The following VAT1L variants were observed in gnomAD, a reference collection of about 807,000 sequenced individuals.
VAT1L encodes vesicle amine transport 1 like.
VAT1L carries 34 observed loss-of-function variants against 44.1 expected under a neutral mutation model. The observed-to-expected ratio is 0.77, with a 90% CI of 0.59 to 1.03. The LOEUF (loss-of-function observed/expected upper bound fraction) is 1.03, where lower values mean the gene tolerates loss of function less well. Ranked by LOEUF, VAT1L falls within the 50% of genes least tolerant of loss-of-function variation. The pLI is 0.00. For missense variants in VAT1L, 615 were observed against 538.8 expected (o/e 1.14, Z -1.40); for synonymous variants, 253 against 202.2 (o/e 1.25, Z -2.13).
At chr16:77,862,333 C>A (rs1424895479) in intron 3 of VAT1L, among the ~76,000 whole-genome samples, 1 of 152,082 alleles carries the variant, frequency 6.6e-6, no homozygotes, top group Non-Finnish European at 1.5e-5. Flanking sequence ...TAAAAAGGCC[C>A]CCCGGGCACA....
intron 1 of VAT1L, among the ~76,000 whole-genome samples, chr16:77,809,190 A>G (rs945643788): frequency 1.3e-5 from 2 of 152,342 alleles, no homozygotes; most frequent in East Asian, 3.9e-4. Context: ...TGTTCTTTGT[A>G]AAATGGGGGT....
chr16:77,929,607 G>C (rs1391528839), intron 7 of VAT1L, among the ~76,000 whole-genome samples: 3 of 152,148 alleles, frequency 2.0e-5, no homozygotes, highest in Non-Finnish European at 4.4e-5. Flanking sequence ...AGGACGGAGA[G>C]GGTGACAGAT....
intron 7 of VAT1L, among the ~76,000 whole-genome samples, chr16:77,970,678 T>A (rs557165435): frequency 2.6e-5 from 4 of 152,230 alleles, no homozygotes; most frequent in Non-Finnish European, 5.9e-5. Flanking sequence ...ATTGAGTATC[T>A]TTTGTGTAAT....
chr16:77,941,914 G>C (rs966909887), intron 7 of VAT1L, among the ~76,000 whole-genome samples: 2 of 152,122 alleles, frequency 1.3e-5, no homozygotes, highest in African/African-American at 4.8e-5. Flanking sequence ...CACAATGGTT[G>C]AGCTAATTTA....
intron 7 of VAT1L, among the ~76,000 whole-genome samples, chr16:77,941,337 A>C (rs181595925): frequency 2.0e-5 from 3 of 152,160 alleles, no homozygotes; most frequent in Non-Finnish European, 4.4e-5. Context: ...CTACTCACCG[A>C]AACAGATTTT....
intron 7 of VAT1L, among the ~76,000 whole-genome samples, chr16:77,942,439 G>C (rs2017898455): frequency 6.9e-6 from 1 of 145,792 alleles, no homozygotes; most frequent in Non-Finnish European, 1.5e-5. Context: ...GTGATGTTGA[G>C]CTTTTTTTTT....
intron 7 of VAT1L, among the ~76,000 whole-genome samples, chr16:77,891,063 T>C (rs977728800): frequency 7.9e-5 from 12 of 151,300 alleles, no homozygotes; most frequent in Non-Finnish European, 8.8e-5. Context: ...AATTAAAAAT[T>C]CAGCTTCTCG....
chr16:77,820,117 T>C (rs188653320), intron 2 of VAT1L, among the ~76,000 whole-genome samples: 37 of 152,298 alleles, frequency 2.4e-4, no homozygotes, highest in Admixed American at 2.0e-3. Context: ...TTTTCTCAAG[T>C]GTAATGAATT....
chr16:77,925,633 A>G (rs963403300), intron 7 of VAT1L, among the ~76,000 whole-genome samples: 1 of 152,196 alleles, frequency 6.6e-6, no homozygotes, highest in Non-Finnish European at 1.5e-5. Flanking sequence ...GCTAGCCCAG[A>G]ACTGTTTTTA....
At chr16:77,795,982 A>T (rs28584133) in intron 1 of VAT1L, among the ~76,000 whole-genome samples, 1 of 151,804 alleles carries the variant, frequency 6.6e-6, no homozygotes, top group African/African-American at 2.4e-5. Flanking sequence ...CCTGCCACCA[A>T]GCCCAGCTAG....
At chr16:77,794,071 C>G (rs2015884625) in intron 1 of VAT1L, among the ~76,000 whole-genome samples, 1 of 152,106 alleles carries the variant, frequency 6.6e-6, no homozygotes, top group South Asian at 2.1e-4. Context: ...TGCCTAAAAC[C>G]CAAATGGCTC....
intron 3 of VAT1L, among the ~76,000 whole-genome samples, chr16:77,838,392 A>G (rs1462105354): frequency 6.6e-6 from 1 of 152,170 alleles, no homozygotes. Flanking sequence ...GACACCCACC[A>G]GGATGTTGGC....
chr16:77,946,276 G>GCTCTTTTTTTTTTTTTTTTTTTTT (rs1441996306), intron 7 of VAT1L, among the ~76,000 whole-genome samples: 2 of 33,862 alleles, frequency 5.9e-5, no homozygotes, highest in Non-Finnish European at 1.1e-4. Flanking sequence ...TAGGTTACTT[G>GCTCTTTTTTTTTTTTTTTTTTTTT]TTCTTTTTTT....
At chr16:77,843,782 C>T (rs546414539) in intron 3 of VAT1L, among the ~76,000 whole-genome samples, 1 of 152,334 alleles carries the variant, frequency 6.6e-6, no homozygotes, top group South Asian at 2.1e-4. Flanking sequence ...TATTTGCATA[C>T]AACCTATGCT....
intron 1 of VAT1L, among the ~76,000 whole-genome samples, chr16:77,802,533 G>C (rs1415762743): frequency 6.6e-6 from 1 of 151,740 alleles, no homozygotes; most frequent in Non-Finnish European, 1.5e-5. Flanking sequence ...GGAATTGCTT[G>C]AACCCAGGAG....
chr16:77,849,851 T>C (rs144670763), intron 3 of VAT1L, among the ~76,000 whole-genome samples: 23 of 152,308 alleles, frequency 1.5e-4, no homozygotes, highest in African/African-American at 5.1e-4. Context: ...AGCCGCAGGA[T>C]CTGAAGTCAC....
chr16:77,833,021 A>G (rs1340901143), intron 3 of VAT1L, among the ~76,000 whole-genome samples: 1 of 152,230 alleles, frequency 6.6e-6, no homozygotes, highest in East Asian at 1.9e-4. Flanking sequence ...AGGCACCAGT[A>G]TCTACCCAGT....
Position 77,844,233 on chromosome 16 carries a change from G to A in VAT1L, c.580-18515G>A, listed in dbSNP as rs74403068. Among the ~76,000 whole-genome samples, 552 of 152,214 alleles carry A rather than the reference G, an allele frequency of 3.6e-3. 24 individuals are homozygous for A. The East Asian group carries it at 0.077, about 21-fold the overall frequency. ...TTTTTGAAAATGGATACTTGCATCTGTACTAAACAGGTACAGACTTTTTCC... is the reference window on the plus strand; with the variant it reads ...TTTTTGAAAATGGATACTTGCATCTATACTAAACAGGTACAGACTTTTTCC... On this transcript the variant is annotated intron_variant, in intron 3 of 8. Coordinates refer to ENST00000302536, the MANE Select transcript of VAT1L (RefSeq NM_020927.3).
intron 3 of VAT1L, among the ~76,000 whole-genome samples, chr16:77,827,227 G>A (rs1002751882): frequency 1.3e-5 from 2 of 152,208 alleles, no homozygotes; most frequent in Non-Finnish European, 2.9e-5. Context: ...TTAGAATGCT[G>A]GCATTTATGA....
Sources: gnomAD v4.1 joint callset for allele counts (sites outside exome capture counted in the v4.1 genomes callset) on GRCh38, gnomAD v4.1.1 for gene constraint, MANE v1.5 for transcripts, NCBI Gene and HGNC (gene_info 2026-07-23, HGNC 2026-07-21) for gene names.